The following PCDHA5 variants were observed in gnomAD, a reference collection of about 807,000 sequenced individuals.
The protein encoded by PCDHA5 is protocadherin alpha 5.
A neutral mutation model predicts 61.6 loss-of-function variants in PCDHA5; 43 were observed. That is an observed-to-expected ratio of 0.70 (90% CI 0.55 to 0.90). The LOEUF (loss-of-function observed/expected upper bound fraction) is 0.90, where lower values mean the gene tolerates loss of function less well. Ranked by LOEUF, PCDHA5 falls within the 40% of genes least tolerant of loss-of-function variation. The pLI is 0.00. For missense variants in PCDHA5, 1,298 were observed against 1,222.7 expected, an observed-to-expected ratio of 1.06 and a Z score of -0.92; for synonymous variants, 627 against 543.9, an observed-to-expected ratio of 1.15 and a Z score of -2.13.
intron 1 of PCDHA5, chr5:140,860,192 C>CATATATAT (rs143984774): frequency 6.9e-4 from 101 of 146,860 alleles, no homozygotes; most frequent in African/African-American, 2.5e-3. Context: ...GCTCTCCTTA[C>CATATATAT]ATATATATCT....
At chr5:140,908,668 A>C (rs2074091776) in intron 1 of PCDHA5, among the ~76,000 whole-genome samples, 1 of 152,194 alleles carries the variant, frequency 6.6e-6, no homozygotes, top group Non-Finnish European at 1.5e-5. Flanking sequence ...AAAGGCTCCA[A>C]ATAGCATCCC....
rs782776948 is a variant in PCDHA5 at position 141,009,898 on chromosome 5, A to T, written c.2772A>T (p.Lys924Asn). The T allele has an allele frequency of 5.6e-6, 9 of 1,613,182 alleles. No individual in the cohort carries two copies. Among genetic ancestry groups the T allele is most frequent in the Admixed American group, 1.7e-5 (1 of 59,722 alleles). The change falls in exon 4 of 4, where the codon AAA (lysine) becomes AAT (asparagine). Residue 924 changes from lysine (K) to asparagine (N), a missense_variant. Physicochemically the swap from Lys to Asn is moderately conservative, Grantham distance 94 (BLOSUM62 0). Transcript: ENST00000529859. ...AGGGTAACAAGACCCAGGAGAAAAA[A>T]GAGAAAGGGAACAGCACGACTGACA... ...KKKGNKTQEK[K>N]EKGNSTTDNS...
chr5:140,902,846 A>C (rs1119032), intron 1 of PCDHA5, among the ~76,000 whole-genome samples: 2 of 152,088 alleles, frequency 1.3e-5, no homozygotes, highest in African/African-American at 2.4e-5. Context: ...CTTCACTTAG[A>C]AAAATGGCGT....
rs2150368391 is a variant in PCDHA5 at position 140,844,038 on chromosome 5, G to A, written c.2352+19911G>A. On this transcript the variant is annotated intron_variant, in intron 1 of 3. Transcript: ENST00000529859. ...CGTTCAGGGCATTTTGATCTTTGGT[G>A]AAAGTATTCCCCCAAAGCGTTTATT... 1.1e-4 allele frequency among the ~76,000 whole-genome samples: 17 copies of A among 149,594 alleles called. 2 individuals are homozygous for A. Among genetic ancestry groups the A allele is most frequent in the South Asian group, 2.1e-4 (1 of 4,726 alleles).
intron 1 of PCDHA5, among the ~76,000 whole-genome samples, chr5:140,898,000 T>G (rs1420296585): frequency 6.6e-5 from 10 of 152,348 alleles, no homozygotes; most frequent in African/African-American, 2.4e-4. Flanking sequence ...TTGAGAAGTG[T>G]CTGTTCATAT....
At chr5:140,834,771 C>T (rs2150226115) in intron 1 of PCDHA5, 18 of 1,613,874 alleles carry the variant, frequency 1.1e-5, no homozygotes, top group Middle Eastern at 3.3e-4. Flanking sequence ...TAACGACAAC[C>T]CTCCGGTGTT....
At chr5:140,828,402 T>C (rs1554131287) in intron 1 of PCDHA5, 3 of 1,614,248 alleles carry the variant, frequency 1.9e-6, no homozygotes, top group Non-Finnish European at 2.5e-6. Context: ...GAGTGCAGCA[T>C]CCACCTGGAG....
At chr5:140,857,216 C>T in intron 1 of PCDHA5, 1 of 1,598,490 alleles carries the variant, frequency 6.3e-7, no homozygotes, top group Non-Finnish European at 8.6e-7. Flanking sequence ...CTCTCTGACG[C>T]CTCACGTTCC....
At chr5:140,881,191 T>C (rs564115136) in intron 1 of PCDHA5, 2 of 170,408 alleles carry the variant, frequency 1.2e-5, no homozygotes, top group African/African-American at 4.8e-5. Context: ...AAAGATATGT[T>C]AACATCTTTG....
chr5:140,848,597 C>G lies in PCDHA5; in HGVS notation c.2352+24470C>G, dbSNP rs151001396. 6,374 of 1,580,604 alleles carry G rather than the reference C, an allele frequency of 4.0e-3. 857 individuals carry two copies. Among genetic ancestry groups the G allele is most frequent in the South Asian group, 0.012 (1,061 of 88,252 alleles). On this transcript the variant is annotated intron_variant, in intron 1 of 3. Transcript: ENST00000529859. ...TGGGGAGCGGCCAGCTCCACTACTC[C>G]GTCCCGGAGGAAGCCGAACACGGCA...
chr5:140,874,676 G>A (rs1487161384), intron 1 of PCDHA5, among the ~76,000 whole-genome samples: 4 of 152,136 alleles, frequency 2.6e-5, no homozygotes, highest in African/African-American at 9.7e-5. Context: ...CTATTCCTGA[G>A]ATTTGTTTTA....
In PCDHA5 at chr5:140,858,203, C is replaced by T. The variant is rs781959847; in HGVS notation, c.2352+34076C>T. On this transcript the variant is annotated intron_variant, in intron 1 of 3. Coordinates refer to ENST00000529859, the MANE Select transcript of PCDHA5 (RefSeq NM_018908.3). The stretch of plus-strand genomic sequence containing the variant: ...GCTCACGCTGCTGCTGTACACTGCA[C>T]TGAGGTGCTCGGCGGCGCCCACCGA... The T allele has an allele frequency of 3.7e-5, 59 of 1,595,952 alleles. 8 individuals are homozygous for T. Among genetic ancestry groups the T allele is most frequent in the Non-Finnish European group, 4.8e-5 (56 of 1,166,554 alleles).
chr5:140,884,967 G>A (rs895578956), intron 1 of PCDHA5, among the ~76,000 whole-genome samples: 2 of 152,134 alleles, frequency 1.3e-5, no homozygotes, highest in African/African-American at 4.8e-5. Context: ...CTCACGTTGT[G>A]AGAACTTAAA....
intron 1 of PCDHA5, chr5:140,927,791 G>C: frequency 6.2e-7 from 1 of 1,614,196 alleles, no homozygotes; most frequent in Admixed American, 1.7e-5. Context: ...GCTTCACTAG[G>C]TCCGCCTGAA....
At chr5:140,884,181 A>G in intron 1 of PCDHA5, 1 of 1,613,332 alleles carries the variant, frequency 6.2e-7, no homozygotes, top group Non-Finnish European at 8.5e-7. Context: ...CGCCCTCTGG[A>G]CGAGGTGGAC....
At chr5:140,836,468 T>G (rs1227457835) in intron 1 of PCDHA5, 1 of 1,613,696 alleles carries the variant, frequency 6.2e-7, no homozygotes, top group African/African-American at 1.3e-5. Flanking sequence ...AGCTGGTGGA[T>G]GTCAACGTGT....
intron 1 of PCDHA5, chr5:140,859,716 A>T (rs2045984140): frequency 1.3e-5 from 2 of 154,266 alleles, no homozygotes. Flanking sequence ...CACCAAAAAA[A>T]AATTGTGGCA....
chr5:140,935,393 C>T (rs1213341467), intron 1 of PCDHA5, among the ~76,000 whole-genome samples: 2 of 152,166 alleles, frequency 1.3e-5, no homozygotes, highest in Admixed American at 6.5e-5. Context: ...TGTTATCCCA[C>T]GGGACTCAAA....
chr5:140,941,573 C>T (rs1220556647), intron 1 of PCDHA5, among the ~76,000 whole-genome samples: 1 of 152,108 alleles, frequency 6.6e-6, no homozygotes, highest in African/African-American at 2.4e-5. Flanking sequence ...CCTCAGCCTC[C>T]CAAAGTGCTG....
Sources: allele counts gnomAD v4.1 joint callset (sites outside exome capture counted in the v4.1 genomes callset), GRCh38; gene constraint gnomAD v4.1.1; transcripts MANE v1.5; gene names NCBI Gene and HGNC (gene_info 2026-07-23, HGNC 2026-07-21).